TRHDE: variants seen among roughly 807,000 people sequenced by gnomAD.
TRHDE encodes thyrotropin-releasing hormone-degrading ectoenzyme.
Under a neutral mutation model 125.7 loss-of-function variants are expected in TRHDE, and 72 were observed. That is an observed-to-expected ratio of 0.57 (90% CI 0.47 to 0.70). The LOEUF (loss-of-function observed/expected upper bound fraction) is 0.70. TRHDE is among the 30% of genes least tolerant of loss of function. TRHDE has a pLI of 0.00. For missense variants in TRHDE, 1,110 were observed against 1,327.1 expected (o/e 0.84, Z 2.54); for synonymous variants, 509 against 509.1 (o/e 1.00, Z 0.00).
At chr12:72,447,657 A>G (rs1446246267) in intron 3 of TRHDE, among the ~76,000 whole-genome samples, 1 of 152,022 alleles carries the variant, frequency 6.6e-6, no homozygotes, top group African/African-American at 2.4e-5. Flanking sequence ...GGGTATGAAT[A>G]CTATTTTTAA....
intron 3 of TRHDE, among the ~76,000 whole-genome samples, chr12:72,385,898 T>G (rs1214890049): frequency 6.6e-6 from 1 of 152,148 alleles, no homozygotes; most frequent in Non-Finnish European, 1.5e-5. Context: ...GTGAGAATAA[T>G]GCATGAGATT....
intron 6 of TRHDE, among the ~76,000 whole-genome samples, chr12:72,509,602 C>CAAG: frequency 6.6e-6 from 1 of 152,300 alleles, no homozygotes; most frequent in East Asian, 1.9e-4. Flanking sequence ...GTCACCTTCT[C>CAAG]AAGAAGACCT....
chr12:72,452,234 C>A (rs1259200425), intron 3 of TRHDE, among the ~76,000 whole-genome samples: 4 of 151,408 alleles, frequency 2.6e-5, no homozygotes, highest in Admixed American at 2.0e-4. Context: ...TTATTTGATT[C>A]TTTTGATAGT....
chr12:72,294,824 C>T (rs1452931679), intron 2 of TRHDE, among the ~76,000 whole-genome samples: 6 of 152,052 alleles, frequency 3.9e-5, no homozygotes, highest in Non-Finnish European at 7.4e-5. Flanking sequence ...TGGCTTCCCT[C>T]CTATGCTCAT....
intron 2 of TRHDE, 46 bp downstream of exon 2, chr12:72,287,000 G>A: frequency 6.4e-7 from 1 of 1,572,796 alleles, no homozygotes. Flanking sequence ...TGTACACTCT[G>A]TAAAGTAACC....
At chr12:72,149,113 G>A (rs1372981386) in intron 2 of TRHDE, among the ~76,000 whole-genome samples, 2 of 151,588 alleles carry the variant, frequency 1.3e-5, no homozygotes, top group African/African-American at 4.8e-5. Context: ...TTTCTGGCTT[G>A]AAAATTGCAA....
Position 72,272,493 on chromosome 12 carries a change from C to CTTAA in TRHDE, c.-151_-150insTTAA. The CTTAA allele has an allele frequency of 1.8e-6, 1 of 545,832 alleles. No homozygotes were observed. Among genetic ancestry groups the CTTAA allele is most frequent in the Non-Finnish European group, 3.3e-6 (1 of 306,596 alleles). The allele number at this position is 545,832 out of a possible 1,614,324, so 33.8% of individuals were successfully genotyped here. A position where few individuals can be genotyped will look rare whatever the true frequency, so the allele number is the denominator to read the frequency against. On this transcript the variant is annotated 5_prime_UTR_variant, in exon 1 of 19. The change abolishes the stop of an existing upstream ORF in the 5' untranslated region. Coordinates refer to ENST00000261180, the MANE Select transcript of TRHDE (RefSeq NM_013381.3). This position sits in a 1 kb window ranked among gnomAD's most constrained non-coding sequence, Gnocchi z 6.7. Reference sequence around the variant, plus strand: ...TCGCGGAAGCTGCCGTCGCTTGTGTCCAGAACCCGTCTTAAAAGAACCCGG... The same window carrying CTTAA: ...TCGCGGAAGCTGCCGTCGCTTGTGTCTTAACAGAACCCGTCTTAAAAGAACCCGG...
intron 7 of TRHDE, among the ~76,000 whole-genome samples, chr12:72,561,775 T>A (rs1187930727): frequency 6.6e-6 from 1 of 152,180 alleles, no homozygotes; most frequent in African/African-American, 2.4e-5. Context: ...GCTCTTTCTT[T>A]TTTTCATAAA....
chr12:72,436,517 G>C (rs1874752814), intron 3 of TRHDE, among the ~76,000 whole-genome samples: 2 of 151,814 alleles, frequency 1.3e-5, no homozygotes, highest in East Asian at 3.9e-4. Flanking sequence ...CAAAGTAATG[G>C]TGTTTGTTTT....
At chr12:72,487,613 C>T (rs1877474381) in intron 5 of TRHDE, among the ~76,000 whole-genome samples, 1 of 151,958 alleles carries the variant, frequency 6.6e-6, no homozygotes, top group Admixed American at 6.6e-5. Flanking sequence ...AATATATTAC[C>T]ACTATACTTA....
At chr12:72,138,228 A>C (rs1309193726) in intron 2 of TRHDE, among the ~76,000 whole-genome samples, 1 of 152,154 alleles carries the variant, frequency 6.6e-6, no homozygotes, top group Non-Finnish European at 1.5e-5. Context: ...ACAAAAAATT[A>C]GCCACACGTG....
chr12:72,414,352 C>T (rs190978018), intron 3 of TRHDE, among the ~76,000 whole-genome samples: 169 of 152,042 alleles, frequency 1.1e-3, no homozygotes, highest in African/African-American at 3.8e-3. Context: ...AGAGAGACAA[C>T]GAAATTCATG....
chr12:72,189,376 C>T (rs1456426484), intron 2 of TRHDE, among the ~76,000 whole-genome samples: 1 of 152,030 alleles, frequency 6.6e-6, no homozygotes, highest in African/African-American at 2.4e-5. Flanking sequence ...GAGAAAACAC[C>T]CTCTCACTGT....
chr12:72,212,176 G>A (rs192798898), intron 2 of TRHDE, among the ~76,000 whole-genome samples: 3 of 146,930 alleles, frequency 2.0e-5, no homozygotes, highest in Non-Finnish European at 4.7e-5. Flanking sequence ...TTTCTCTAAT[G>A]AACATGTATT....
chr12:72,409,204 A>G (rs1565730470), intron 3 of TRHDE, among the ~76,000 whole-genome samples: 1 of 152,222 alleles, frequency 6.6e-6, no homozygotes, highest in South Asian at 2.1e-4. Context: ...CTTAATAATA[A>G]CAATAGAATC....
intron 1 of TRHDE, among the ~76,000 whole-genome samples, chr12:72,102,200 A>G (rs921920922): frequency 6.6e-6 from 1 of 152,190 alleles, no homozygotes; most frequent in Admixed American, 6.5e-5. Context: ...AGTGCTACAC[A>G]GTGTGTGGGT....
chr12:72,380,747 C>CTTCT (rs374897494), intron 3 of TRHDE, among the ~76,000 whole-genome samples: 1,946 of 95,806 alleles, frequency 0.02, 111 homozygotes, highest in African/African-American at 0.12. Context: ...TCCTTCCTTC[C>CTTCT]TTCCTTCCTT....
At chr12:72,128,386 A>T (rs1244994547) in intron 2 of TRHDE, among the ~76,000 whole-genome samples, 1 of 152,190 alleles carries the variant, frequency 6.6e-6, no homozygotes, top group Non-Finnish European at 1.5e-5. Flanking sequence ...GTACCCAGCA[A>T]GATAAAATTG....
intron 15 of TRHDE, among the ~76,000 whole-genome samples, chr12:72,623,630 G>A (rs1873139888): frequency 6.6e-6 from 1 of 152,022 alleles, no homozygotes; most frequent in Non-Finnish European, 1.5e-5. Context: ...CTAAGTACAA[G>A]ATAGAGTGTG....
Sources: allele counts gnomAD v4.1 joint callset (sites outside exome capture counted in the v4.1 genomes callset), GRCh38; gene constraint gnomAD v4.1.1; non-coding constraint Gnocchi (gnomAD v3.1); transcripts MANE v1.5; gene names NCBI Gene and HGNC (gene_info 2026-07-23, HGNC 2026-07-21).